Variants in OXCT1 observed in about 807,000 individuals in gnomAD.
OXCT1 encodes succinyl-CoA:3-ketoacid coenzyme A transferase 1, mitochondrial.
A neutral mutation model predicts 69.6 loss-of-function variants in OXCT1; 27 were observed. That is an observed-to-expected ratio of 0.39 (90% confidence interval 0.29 to 0.54). OXCT1 has a LOEUF of 0.54. OXCT1 is among the 20% of genes least tolerant of loss of function. OXCT1 has a pLI of 0.72. For missense variants in OXCT1, 437 were observed against 650.2 expected (o/e 0.67, Z 3.57); for synonymous variants, 202 against 217.8 (o/e 0.93, Z 0.64).
At chr5:41,820,032 C>G (rs943827565) in intron 7 of OXCT1, among the ~76,000 whole-genome samples, 3 of 152,146 alleles carry the variant, frequency 2.0e-5, no homozygotes, top group African/African-American at 7.2e-5. Flanking sequence ...CACATTTTAA[C>G]CATACCCTGT....
chr5:41,853,369 G>T lies in OXCT1; in HGVS notation c.414+50C>A, dbSNP rs750293758. On this transcript the variant is annotated intron_variant, in intron 4 of 16. Coordinates refer to ENST00000196371, the MANE Select transcript of OXCT1 (RefSeq NM_000436.4). ...CAAAGAAATTTCCACGGAGAAAAAA[G>T]GAATTTTTAAAGTAAGTTAGTATTA... 3 of 1,556,944 alleles carry T rather than the reference G, an allele frequency of 1.9e-6. No individual in the cohort carries two copies. In the South Asian group the frequency reaches 3.3e-5, roughly 17 times the overall value.
At chr5:41,783,855 T>A (rs1745527018) in intron 13 of OXCT1, among the ~76,000 whole-genome samples, 1 of 152,110 alleles carries the variant, frequency 6.6e-6, no homozygotes. Flanking sequence ...TCAAAATATA[T>A]CATATGAAGC....
chr5:41,764,684 C>T (rs1744511488), intron 13 of OXCT1, among the ~76,000 whole-genome samples: 1 of 152,170 alleles, frequency 6.6e-6, no homozygotes, highest in African/African-American at 2.4e-5. Flanking sequence ...TGCCTTCCCT[C>T]TTTCTCTTCT....
chr5:41,735,261 C>A (rs566316215), intron 16 of OXCT1, among the ~76,000 whole-genome samples: 20 of 152,176 alleles, frequency 1.3e-4, no homozygotes, highest in African/African-American at 4.8e-4. Context: ...TATTATACAG[C>A]CTTAAAAAGA....
At chr5:41,770,003 G>T (rs55888536) in intron 13 of OXCT1, among the ~76,000 whole-genome samples, 1 of 152,070 alleles carries the variant, frequency 6.6e-6, no homozygotes. Context: ...CAGGTGATCC[G>T]CCTGCCTTGG....
At chr5:41,818,755 C>A (rs1747378433) in intron 7 of OXCT1, among the ~76,000 whole-genome samples, 1 of 152,044 alleles carries the variant, frequency 6.6e-6, no homozygotes, top group Non-Finnish European at 1.5e-5. Flanking sequence ...TACACTAATA[C>A]ATGGAAAAAC....
chr5:41,834,952 C>A (rs1217214542), intron 7 of OXCT1, among the ~76,000 whole-genome samples: 2 of 151,950 alleles, frequency 1.3e-5, no homozygotes, highest in African/African-American at 4.8e-5. Flanking sequence ...GCAAACCAAA[C>A]CCAAAACTAG....
chr5:41,829,531 T>C (rs1747991414), intron 7 of OXCT1, among the ~76,000 whole-genome samples: 2 of 152,156 alleles, frequency 1.3e-5, no homozygotes, highest in African/African-American at 4.8e-5. Flanking sequence ...GTACCTGAGA[T>C]AATGGAACTC....
intron 15 of OXCT1, among the ~76,000 whole-genome samples, chr5:41,748,929 G>C (rs1561360075): frequency 6.6e-6 from 1 of 152,068 alleles, no homozygotes; most frequent in Non-Finnish European, 1.5e-5. Flanking sequence ...GGTGATGACA[G>C]ACAGCTGCTG....
intron 9 of OXCT1, among the ~76,000 whole-genome samples, chr5:41,804,296 A>G (rs1746564820): frequency 6.6e-6 from 1 of 152,086 alleles, no homozygotes; most frequent in East Asian, 1.9e-4. Context: ...CCAAATTACA[A>G]GTCTGGTACC....
At chr5:41,777,250 TA>T (rs1299731466) in intron 13 of OXCT1, among the ~76,000 whole-genome samples, 19 of 152,094 alleles carry the variant, frequency 1.2e-4, no homozygotes, top group African/African-American at 4.1e-4. Context: ...ACCCCGTCCC[TA>T]CTAAAAATAC....
intron 7 of OXCT1, among the ~76,000 whole-genome samples, chr5:41,833,570 G>GA (rs759273672): frequency 8.9e-4 from 133 of 149,324 alleles, no homozygotes; most frequent in Non-Finnish European, 1.5e-3. Flanking sequence ...GAAATCATCT[G>GA]AAGATACAAA....
At chr5:41,856,028 G>T (rs939479046) in intron 3 of OXCT1, among the ~76,000 whole-genome samples, 1 of 152,226 alleles carries the variant, frequency 6.6e-6, no homozygotes, top group Non-Finnish European at 1.5e-5. Flanking sequence ...ACAGCATGTG[G>T]GAGGGGAGAA....
Position 41,731,435 on chromosome 5 carries a change from A to G in OXCT1, c.*294T>C. 1 of 985,874 alleles carries G rather than the reference A, an allele frequency of 1.0e-6. No homozygotes were observed. 61.1% of individuals were successfully genotyped at this position (985,874 alleles called of 1,614,324 possible). On this transcript the variant is annotated 3_prime_UTR_variant, in exon 17 of 17. Transcript: ENST00000196371. ...GGGCCCTTCTTGGGGAAAGGTTCAT[A>G]TAATTTAGCATACATACCATATTCA...
chr5:41,746,709 G>A (rs180672120), intron 15 of OXCT1, among the ~76,000 whole-genome samples: 2 of 152,086 alleles, frequency 1.3e-5, no homozygotes, highest in Admixed American at 1.3e-4. Context: ...ATCTCCAATT[G>A]TTTATTGCAA....
At chr5:41,824,285 A>G (rs1747701248) in intron 7 of OXCT1, among the ~76,000 whole-genome samples, 2 of 152,224 alleles carry the variant, frequency 1.3e-5, no homozygotes, top group South Asian at 4.1e-4. Context: ...CATGGTATAA[A>G]CAGAAGTTGT....
At chr5:41,741,514 C>T (rs1371013933) in intron 15 of OXCT1, among the ~76,000 whole-genome samples, 1 of 152,164 alleles carries the variant, frequency 6.6e-6, no homozygotes, top group Non-Finnish European at 1.5e-5. Flanking sequence ...CTCTGAGCAC[C>T]ATCCCTGAGA....
At chr5:41,734,849 T>A (rs1378593116) in intron 16 of OXCT1, among the ~76,000 whole-genome samples, 1 of 152,108 alleles carries the variant, frequency 6.6e-6, no homozygotes, top group Admixed American at 6.5e-5. Flanking sequence ...CCAGAATATA[T>A]GAGAAACTTT....
At chr5:41,861,058 C>T (rs1172306669) in intron 3 of OXCT1, among the ~76,000 whole-genome samples, 1 of 151,932 alleles carries the variant, frequency 6.6e-6, no homozygotes, top group South Asian at 2.1e-4. Context: ...AATAAAAGCA[C>T]ATCACATTAA....
Sources: gnomAD v4.1 joint callset for allele counts (sites outside exome capture counted in the v4.1 genomes callset) on GRCh38, gnomAD v4.1.1 for gene constraint, MANE v1.5 for transcripts, NCBI Gene and HGNC (gene_info 2026-07-23, HGNC 2026-07-21) for gene names.